The following DCDC2 variants were observed in gnomAD, a reference collection of about 807,000 sequenced individuals.
The protein encoded by DCDC2 is doublecortin domain-containing protein 2.
Under a neutral mutation model 50.2 loss-of-function variants are expected in DCDC2, and 40 were observed. The observed-to-expected ratio is 0.80, with a 90% confidence interval of 0.62 to 1.04. The LOEUF (loss-of-function observed/expected upper bound fraction) is 1.04. Ranked by LOEUF, DCDC2 falls within the 50% of genes least tolerant of loss-of-function variation. The pLI, the probability that DCDC2 is intolerant of heterozygous loss-of-function variation, is 0.00. For synonymous variants in DCDC2, 234 were observed against 210.6 expected, an observed-to-expected ratio of 1.11 and a Z score of -0.96; for missense variants, 570 against 581.9, an observed-to-expected ratio of 0.98 and a Z score of 0.21.
At position 24,211,391 on chromosome 6, in the gene DCDC2, G is replaced by A. The variant is rs113113967; in HGVS notation, c.923-6289C>T. On this transcript the variant is annotated intron_variant, in intron 7 of 9. Transcript: ENST00000378454. ...AAGGGATCAACAAATTACGTTATTG[G>A]TGGTAGGTAGAATAATGCCCCCCAC... 2.4e-3 allele frequency among the ~76,000 whole-genome samples: 361 copies of A among 152,274 alleles called. 4 individuals are homozygous for A. Among genetic ancestry groups the A allele is most frequent in the African/African-American group, 7.9e-3 (328 of 41,550 alleles).
chr6:24,378,001 G>A, the DCDC2 span, among the ~76,000 whole-genome samples: 4 of 152,184 alleles, frequency 2.6e-5, no homozygotes, highest in Admixed American at 6.5e-5. Flanking sequence ...GAAAAAAGGT[G>A]TACTGCTTAG....
intron 2 of DCDC2, 148 bp from the exon 3 acceptor site, chr6:24,302,192 T>C: frequency 1.5e-6 from 1 of 653,722 alleles, no homozygotes; most frequent in Non-Finnish European, 2.6e-6. Context: ...TTCTGTAAAC[T>C]CTGAGCTCAC....
intron 7 of DCDC2, among the ~76,000 whole-genome samples, chr6:24,275,932 C>T (rs1317296991): frequency 1.5e-5 from 2 of 134,852 alleles, no homozygotes; most frequent in African/African-American, 2.8e-5. Context: ...TGCAGTGACA[C>T]GATCATGGCT....
chr6:24,255,840 G>A (rs182029233), intron 7 of DCDC2, among the ~76,000 whole-genome samples: 1 of 152,056 alleles, frequency 6.6e-6, no homozygotes, highest in Non-Finnish European at 1.5e-5. Context: ...GACCTCTTTG[G>A]AACAGTGTTT....
chr6:24,222,249 G>A (rs1439092225), intron 7 of DCDC2, among the ~76,000 whole-genome samples: 2 of 152,214 alleles, frequency 1.3e-5, no homozygotes, highest in African/African-American at 2.4e-5. Context: ...ATGAGTTTGA[G>A]TCTAGCGGGC....
intron 2 of DCDC2, among the ~76,000 whole-genome samples, chr6:24,347,537 T>G (rs1760289545): frequency 6.6e-6 from 1 of 152,226 alleles, no homozygotes; most frequent in Non-Finnish European, 1.5e-5. Context: ...GCATTTACAT[T>G]GCACTGGGTA....
At chr6:24,220,879 A>AGAGCGAGAGAGC in intron 7 of DCDC2, among the ~76,000 whole-genome samples, 2 of 106,978 alleles carry the variant, frequency 1.9e-5, no homozygotes, top group African/African-American at 4.6e-5. Context: ...CAAGAGAGCG[A>AGAGCGAGAGAGC]GAGCGAGAGA....
intron 8 of DCDC2, among the ~76,000 whole-genome samples, chr6:24,181,209 T>C (rs753177904): frequency 1.3e-5 from 2 of 152,222 alleles, no homozygotes; most frequent in Non-Finnish European, 2.9e-5. Flanking sequence ...GGAATGGATC[T>C]GCCAGCTGGT....
chr6:24,262,699 C>A (rs1763037009), intron 7 of DCDC2, among the ~76,000 whole-genome samples: 1 of 152,170 alleles, frequency 6.6e-6, no homozygotes, highest in Admixed American at 6.5e-5. Flanking sequence ...CCAGGCAGAG[C>A]CCTGATGCAC....
chr6:24,242,418 C>G (rs2113792418), intron 7 of DCDC2, among the ~76,000 whole-genome samples: 1 of 152,170 alleles, frequency 6.6e-6, no homozygotes, highest in African/African-American at 2.4e-5. Flanking sequence ...AGGTTCCCTG[C>G]CTGAAACATC....
chr6:24,201,962 C>T (rs374808063), intron 8 of DCDC2, among the ~76,000 whole-genome samples: 16 of 151,990 alleles, frequency 1.1e-4, no homozygotes, highest in African/African-American at 2.9e-4. Context: ...CTGAATAGAC[C>T]GATGATAAAT....
chr6:24,381,803 A>AAAGGAAGGAAGGAAGGAAGGAAAGG, the DCDC2 span, among the ~76,000 whole-genome samples: 1 of 67,262 alleles, frequency 1.5e-5, no homozygotes, highest in Non-Finnish European at 2.8e-5. Context: ...GGAAGGAAAG[A>AAAGGAAGGAAGGAAGGAAGGAAAGG]AAGGAAGGAA....
chr6:24,214,928 C>T (rs1761944228), intron 7 of DCDC2, among the ~76,000 whole-genome samples: 1 of 152,172 alleles, frequency 6.6e-6, no homozygotes, highest in Admixed American at 6.5e-5. Context: ...CCTTATTATG[C>T]AATGTTTACT....
chr6:24,322,646 C>T (rs1295976229), intron 2 of DCDC2, among the ~76,000 whole-genome samples: 2 of 152,180 alleles, frequency 1.3e-5, no homozygotes, highest in East Asian at 3.8e-4. Flanking sequence ...AATCCTTTGT[C>T]TTTAACCGGA....
At chr6:24,303,352 CCA>C (rs1466353042) in intron 2 of DCDC2, among the ~76,000 whole-genome samples, 1 of 152,110 alleles carries the variant, frequency 6.6e-6, no homozygotes, top group Non-Finnish European at 1.5e-5. Context: ...AACACTCCTT[CCA>C]CACAGACTCC....
intron 2 of DCDC2, among the ~76,000 whole-genome samples, chr6:24,331,693 G>A (rs1759968259): frequency 6.6e-6 from 1 of 152,032 alleles, no homozygotes. Context: ...TTATCTGCAT[G>A]TGAGTATACA....
rs1486390034 is a variant in DCDC2 at position 24,335,802 on chromosome 6, A to T, written c.348+17767T>A. Among the ~76,000 whole-genome samples the T allele has an allele frequency of 2.0e-5, 3 of 152,096 alleles. No individual in the cohort carries two copies. In the South Asian group the frequency reaches 6.2e-4, roughly 32 times the overall value. On this transcript the variant is annotated intron_variant, in intron 2 of 9. Coordinates refer to ENST00000378454, the MANE Select transcript of DCDC2 (RefSeq NM_016356.5). ...GAAAACTGCCTTACAAAACCATTAG[A>T]TCTCGTGAGAACATATTCACTATGA...
intron 7 of DCDC2, among the ~76,000 whole-genome samples, chr6:24,251,412 A>T (rs1040336830): frequency 6.6e-6 from 1 of 152,218 alleles, no homozygotes; most frequent in East Asian, 1.9e-4. Context: ...AAGTTTGGAC[A>T]GCAATGTTAG....
At chr6:24,280,448 A>G (rs62400408) in intron 6 of DCDC2, among the ~76,000 whole-genome samples, 12,232 of 151,822 alleles carry the variant, frequency 0.081, 644 homozygotes, top group African/African-American at 0.16. Context: ...CAGAAGAAAT[A>G]TACGATTATA....
Sources: allele counts gnomAD v4.1 joint callset (sites outside exome capture counted in the v4.1 genomes callset), GRCh38; gene constraint gnomAD v4.1.1; transcripts MANE v1.5; gene names NCBI Gene and HGNC (gene_info 2026-07-23, HGNC 2026-07-21).